SMYD3: variants seen among roughly 807,000 people sequenced by gnomAD.
The protein encoded by SMYD3 is SET and MYND domain containing 3, also known as histone-lysine N-methyltransferase SMYD3.
A neutral mutation model predicts 57.7 loss-of-function variants in SMYD3; 36 were observed. That is an observed-to-expected ratio of 0.62 (90% confidence interval 0.48 to 0.82). The LOEUF is 0.82. SMYD3 is among the 40% of genes least tolerant of loss of function. SMYD3 has a pLI of 0.00. For missense variants in SMYD3, 515 were observed against 538.8 expected (o/e 0.96, Z 0.44); for synonymous variants, 211 against 195.0 (o/e 1.08, Z -0.68).
At chr1:246,104,173 TG>T (rs1267773532) in intron 5 of SMYD3, among the ~76,000 whole-genome samples, 5 of 152,206 alleles carry the variant, frequency 3.3e-5, no homozygotes, top group African/African-American at 1.2e-4. Context: ...GTCTTACCAC[TG>T]AATTTTCAGG....
intron 10 of SMYD3, among the ~76,000 whole-genome samples, chr1:245,808,799 G>A (rs2048315805): frequency 6.6e-6 from 1 of 151,734 alleles, no homozygotes; most frequent in Non-Finnish European, 1.5e-5. Context: ...GTCTCATTTT[G>A]TTGCCCAGGC....
chr1:245,881,800 G>A (rs1378747044), intron 8 of SMYD3, among the ~76,000 whole-genome samples: 1 of 152,196 alleles, frequency 6.6e-6, no homozygotes, highest in African/African-American at 2.4e-5. Context: ...AGGAGGTAAG[G>A]TTGAAGCCAC....
chr1:245,886,945 A>G (rs79632147), intron 8 of SMYD3, among the ~76,000 whole-genome samples: 2,899 of 152,198 alleles, frequency 0.019, 90 homozygotes, highest in African/African-American at 0.064. Context: ...ATACTAAACC[A>G]TTAGCTGTTC....
At chr1:245,803,674 A>T (rs1195035077) in intron 10 of SMYD3, among the ~76,000 whole-genome samples, 1 of 152,226 alleles carries the variant, frequency 6.6e-6, no homozygotes, top group African/African-American at 2.4e-5. Context: ...TTAGGTGGGA[A>T]TTCTTAAGGA....
At chr1:246,475,448 G>A (rs1253772111) in intron 1 of SMYD3, among the ~76,000 whole-genome samples, 2 of 151,788 alleles carry the variant, frequency 1.3e-5, no homozygotes, top group Non-Finnish European at 2.9e-5. Context: ...TTCGAGACCA[G>A]CCTGGCCAAC....
intron 8 of SMYD3, among the ~76,000 whole-genome samples, chr1:245,905,377 C>T (rs2054490841): frequency 6.6e-6 from 1 of 152,148 alleles, no homozygotes; most frequent in Admixed American, 6.5e-5. Context: ...CAAATCCCTG[C>T]AACATTCACC....
intron 2 of SMYD3, among the ~76,000 whole-genome samples, chr1:246,348,395 GC>G (rs2065761783): frequency 6.6e-6 from 1 of 151,914 alleles, no homozygotes; most frequent in South Asian, 2.1e-4. Context: ...CAGCCTGGGT[GC>G]CAGAGCAAGA....
In SMYD3 at chr1:246,244,717, C is replaced by T. The variant is rs115206058; in HGVS notation, c.531+82484G>A. Among the ~76,000 whole-genome samples the T allele has an allele frequency of 5.9e-3, 902 of 152,244 alleles. 14 individuals are homozygous for T. The highest frequency in any genetic ancestry group is 0.02 in the African/African-American group (830 of 41,558). ...TATTTTCTAGTTGTGTAAAAAGGGACAAGAAGCACTCCTAACACTGTTTTC... is the reference window on the plus strand; with the variant it reads ...TATTTTCTAGTTGTGTAAAAAGGGATAAGAAGCACTCCTAACACTGTTTTC... On this transcript the variant is annotated intron_variant, in intron 5 of 11. Transcript: ENST00000490107.
At chr1:246,286,516 G>C (rs2148584307) in intron 5 of SMYD3, among the ~76,000 whole-genome samples, 1 of 152,194 alleles carries the variant, frequency 6.6e-6, no homozygotes, top group African/African-American at 2.4e-5. Flanking sequence ...ACTGACATTA[G>C]TTCTGTACTC....
rs73142894 is a variant in SMYD3, at chr1:246,337,527, C to T, written c.229-2053G>A. 3.0e-3 allele frequency among the ~76,000 whole-genome samples: 459 copies of T among 152,216 alleles called. 2 individuals are homozygous for T. Among genetic ancestry groups the T allele is most frequent in the African/African-American group, 0.011 (440 of 41,522 alleles). On this transcript the variant is annotated intron_variant, in intron 2 of 11. Transcript: ENST00000490107. ...ATAGAAGGGAGAACCATAACTTTGG[C>T]GTTAGTTTTCCTTTGATTATAGAAG...
intron 10 of SMYD3, among the ~76,000 whole-genome samples, chr1:245,799,892 C>T (rs2047769067): frequency 6.6e-6 from 1 of 152,146 alleles, no homozygotes; most frequent in South Asian, 2.1e-4. Flanking sequence ...CTAGGCACAC[C>T]TGTCCACCTG....
intron 1 of SMYD3, among the ~76,000 whole-genome samples, chr1:246,374,044 T>C (rs1228111051): frequency 1.3e-5 from 2 of 152,172 alleles, no homozygotes; most frequent in African/African-American, 2.4e-5. Context: ...CCCCACTCTT[T>C]CCTAGCATGA....
rs116308206 is a variant in SMYD3, at chr1:246,236,413, A to G, written c.531+90788T>C. Among the ~76,000 whole-genome samples, 200 of 151,672 alleles carry G rather than the reference A, an allele frequency of 1.3e-3. 1 individual carries two copies. The highest frequency in any genetic ancestry group is 4.8e-3 in the African/African-American group (197 of 41,366). The stretch of plus-strand genomic sequence containing the variant: ...CCTGGCTAACTTTTTTTATTTAATT[A>G]ATTAATTTATTTATTTTTTGAGATG... On this transcript the variant is annotated intron_variant, in intron 5 of 11. Transcript: ENST00000490107.
At chr1:246,286,940 C>T (rs1211875205) in intron 5 of SMYD3, among the ~76,000 whole-genome samples, 2 of 150,446 alleles carry the variant, frequency 1.3e-5, no homozygotes, top group Non-Finnish European at 2.9e-5. Flanking sequence ...GACGGAATCT[C>T]GGCTATTGCA....
intron 5 of SMYD3, among the ~76,000 whole-genome samples, chr1:246,101,760 A>T (rs2061019929): frequency 6.6e-6 from 1 of 152,230 alleles, no homozygotes; most frequent in Admixed American, 6.5e-5. Flanking sequence ...TTTCTTTAAC[A>T]TCTTTTCACT....
chr1:246,352,091 G>A (rs111427663), intron 2 of SMYD3, among the ~76,000 whole-genome samples: 10 of 137,354 alleles, frequency 7.3e-5, no homozygotes, highest in African/African-American at 2.1e-4. Flanking sequence ...GAGCTGAGAC[G>A]GCACCACTGC....
chr1:246,168,079 G>A (rs1352924195), intron 5 of SMYD3, among the ~76,000 whole-genome samples: 1 of 152,144 alleles, frequency 6.6e-6, no homozygotes, highest in Non-Finnish European at 1.5e-5. Context: ...GGTCTGTCCT[G>A]CAACTTAGTC....
intron 5 of SMYD3, among the ~76,000 whole-genome samples, chr1:246,234,539 A>G (rs200227086): frequency 1.4e-5 from 2 of 146,358 alleles, no homozygotes; most frequent in African/African-American, 2.5e-5. Flanking sequence ...CACCGTATAG[A>G]GGAGAAGCAC....
chr1:245,981,226 G>T (rs2148070170), intron 5 of SMYD3, among the ~76,000 whole-genome samples: 2 of 152,354 alleles, frequency 1.3e-5, no homozygotes, highest in Admixed American at 1.3e-4. Flanking sequence ...GACAGGTAGT[G>T]CCAACAGCAC....
Sources: gnomAD v4.1 joint callset for allele counts (sites outside exome capture counted in the v4.1 genomes callset) on GRCh38, gnomAD v4.1.1 for gene constraint, MANE v1.5 for transcripts, NCBI Gene and HGNC (gene_info 2026-07-23, HGNC 2026-07-21) for gene names.